The following RBMS2 variants were observed in gnomAD, a reference collection of about 807,000 sequenced individuals.
RBMS2 encodes RNA binding motif single stranded interacting protein 2, also known as RNA-binding motif, single-stranded-interacting protein 2.
Under a neutral mutation model 58.4 loss-of-function variants are expected in RBMS2, and 38 were observed. The ratio of observed to expected loss-of-function variants is 0.65; its 90% CI spans 0.50 to 0.85. The LOEUF (loss-of-function observed/expected upper bound fraction) is 0.85, where lower values mean the gene tolerates loss of function less well. Ranked by LOEUF, RBMS2 falls within the 40% of genes least tolerant of loss-of-function variation. RBMS2 has a pLI of 0.00. For missense variants in RBMS2, 367 were observed against 503.7 expected (o/e 0.73, Z 2.60); for synonymous variants, 151 against 180.7 (o/e 0.84, Z 1.32).
At chr12:56,522,642 A>T (rs1478086905) in intron 1 of RBMS2, among the ~76,000 whole-genome samples, 1 of 152,160 alleles carries the variant, frequency 6.6e-6, no homozygotes, top group Non-Finnish European at 1.5e-5. Flanking sequence ...GTCTTGAGAG[A>T]CATCGCACCT....
At chr12:56,553,571 GC>G (rs1445780702) in intron 1 of RBMS2, among the ~76,000 whole-genome samples, 1 of 151,724 alleles carries the variant, frequency 6.6e-6, no homozygotes. Flanking sequence ...CAGGTGATCT[GC>G]CCACGATGGC....
rs1167535678 is a variant in RBMS2 at position 56,592,283 on chromosome 12, T to C, written c.*3150T>C. On this transcript the variant is annotated 3_prime_UTR_variant, in exon 14 of 14. Transcript: ENST00000262031. ...TAACATTCTTAAAATATTTTAGTAC[T>C]TGGCATTTTTCTGTTTTCAGTCAGC... 1 of 152,216 alleles carries C rather than the reference T, an allele frequency of 6.6e-6. No homozygotes were observed. The highest frequency in any genetic ancestry group is 2.4e-5 in the African/African-American group (1 of 41,448). The allele number at this position is 152,216 out of a possible 1,614,324, so 9.4% of individuals were successfully genotyped here.
intron 10 of RBMS2, among the ~76,000 whole-genome samples, 163 bp from the exon 11 acceptor site, chr12:56,587,391 A>G (rs1474002314): frequency 6.6e-6 from 1 of 152,188 alleles, no homozygotes; most frequent in African/African-American, 2.4e-5. Context: ...CCACACTGAC[A>G]GGCAGAGTTC....
Position 56,594,999 on chromosome 12 carries a change from T to G in RBMS2, c.*5866T>G, listed in dbSNP as rs945851645. On this transcript the variant is annotated 3_prime_UTR_variant, in exon 14 of 14. Coordinates refer to ENST00000262031, the MANE Select transcript of RBMS2 (RefSeq NM_002898.4). ...CAGTGTTTTCTCTGGGATTTTTAGC[T>G]CACTGATCGCCCTAGAATAGTGTGA... 6.6e-6 allele frequency: 1 copy of G among 152,238 alleles called. No individual in the cohort carries two copies. The highest frequency in any genetic ancestry group is 1.9e-4 in the East Asian group (1 of 5,198). 9.4% of individuals were successfully genotyped at this position (152,238 alleles called of 1,614,324 possible).
chr12:56,560,118 C>G (rs1880115687), intron 1 of RBMS2, among the ~76,000 whole-genome samples: 1 of 151,922 alleles, frequency 6.6e-6, no homozygotes, highest in Non-Finnish European at 1.5e-5. Flanking sequence ...TGGTCTTGAA[C>G]TCCTGACCTC....
At chr12:56,551,848 G>T (rs1350852317) in intron 1 of RBMS2, among the ~76,000 whole-genome samples, 1 of 152,222 alleles carries the variant, frequency 6.6e-6, no homozygotes, top group African/African-American at 2.4e-5. Context: ...AGCATTTTGG[G>T]AAGCCGAGGT....
intron 1 of RBMS2, among the ~76,000 whole-genome samples, chr12:56,528,995 GA>G (rs1293699729): frequency 1.3e-5 from 2 of 152,104 alleles, no homozygotes; most frequent in African/African-American, 4.8e-5. Context: ...CTTCTGGTGG[GA>G]ATGTAAAATG....
chr12:56,542,452 C>G (rs572212032), intron 1 of RBMS2, among the ~76,000 whole-genome samples: 2 of 149,344 alleles, frequency 1.3e-5, no homozygotes, highest in South Asian at 4.2e-4. Flanking sequence ...CTGATTTGAG[C>G]ATATTTAAAG....
chr12:56,543,699 TC>T (rs1044395404), intron 1 of RBMS2, among the ~76,000 whole-genome samples: 4 of 150,756 alleles, frequency 2.7e-5, no homozygotes, highest in Admixed American at 1.3e-4. Flanking sequence ...TCTTGCCCTG[TC>T]CCCCAGGCTG....
intron 9 of RBMS2, among the ~76,000 whole-genome samples, chr12:56,583,158 A>G (rs1012168143): frequency 1.3e-5 from 2 of 152,168 alleles, no homozygotes; most frequent in African/African-American, 4.8e-5. Context: ...CCCTTGTGCT[A>G]TATTTTTATA....
intron 5 of RBMS2, among the ~76,000 whole-genome samples, chr12:56,578,831 G>A (rs1592488373): frequency 6.6e-6 from 1 of 152,092 alleles, no homozygotes; most frequent in Non-Finnish European, 1.5e-5. Flanking sequence ...CAGGCGTGGT[G>A]GCTCATGCCT....
intron 1 of RBMS2, 48 bp downstream of exon 1, chr12:56,522,137 A>T: frequency 1.4e-6 from 2 of 1,429,942 alleles, no homozygotes; most frequent in Non-Finnish European, 2.0e-6. Context: ...TTTTCTGGGG[A>T]TCTTGCAATG....
At chr12:56,550,804 C>G (rs943714248) in intron 1 of RBMS2, among the ~76,000 whole-genome samples, 10 of 149,618 alleles carry the variant, frequency 6.7e-5, no homozygotes, top group African/African-American at 2.5e-4. Flanking sequence ...ATTGCGCCAT[C>G]GCACCCTAGC....
rs144055434 is a variant in RBMS2 at position 56,577,510 on chromosome 12, G to A, written c.543-3674G>A. 7.0e-4 allele frequency among the ~76,000 whole-genome samples: 105 copies of A among 149,454 alleles called. No individual in the cohort carries two copies. The East Asian group carries it at 0.017, about 25-fold the overall frequency. On this transcript the variant is annotated intron_variant, in intron 5 of 13. Transcript: ENST00000262031. ...TTATTATTGAGACAGGGTCTCACTCGGTTGTGCAGGCTAGAGTGCATTGGT... is the reference window on the plus strand; with the variant it reads ...TTATTATTGAGACAGGGTCTCACTCAGTTGTGCAGGCTAGAGTGCATTGGT...
chr12:56,521,181 G>A (rs749576289), upstream of RBMS2, among the ~76,000 whole-genome samples: 4 of 152,148 alleles, frequency 2.6e-5, no homozygotes, highest in Non-Finnish European at 5.9e-5. Flanking sequence ...TGTAATCCCA[G>A]CACTTTGGGA....
intron 11 of RBMS2, 111 bp downstream of exon 11, chr12:56,587,775 T>C (rs1400966499): frequency 7.2e-7 from 1 of 1,385,670 alleles, no homozygotes; most frequent in Non-Finnish European, 9.7e-7. Context: ...TTCAGTGTCA[T>C]CCGGGGCACA....
At chr12:56,526,439 CTT>C (rs1179428769) in intron 1 of RBMS2, among the ~76,000 whole-genome samples, 1 of 152,008 alleles carries the variant, frequency 6.6e-6, no homozygotes, top group Non-Finnish European at 1.5e-5. Flanking sequence ...TTTTCTTACT[CTT>C]TATTGGCTGG....
chr12:56,582,771 C>T (rs975606881), intron 9 of RBMS2, among the ~76,000 whole-genome samples: 1 of 152,174 alleles, frequency 6.6e-6, no homozygotes, highest in Non-Finnish European at 1.5e-5. Flanking sequence ...TAGGTTCAGG[C>T]GATTCTCCTG....
At chr12:56,587,803 A>C in intron 11 of RBMS2, 139 bp downstream of exon 11, 1 of 1,288,138 alleles carries the variant, frequency 7.8e-7, no homozygotes, top group South Asian at 1.5e-5. Flanking sequence ...CAGGACATAA[A>C]CTACAATGGT....
Sources: allele counts gnomAD v4.1 joint callset (sites outside exome capture counted in the v4.1 genomes callset), GRCh38; gene constraint gnomAD v4.1.1; transcripts MANE v1.5; gene names NCBI Gene and HGNC (gene_info 2026-07-23, HGNC 2026-07-21).